ZNF385D: variants seen among roughly 807,000 people sequenced by gnomAD.
ZNF385D encodes the protein zinc finger protein 659.
In ZNF385D, 15 loss-of-function variants were observed where a neutral mutation model predicts 35.8. The ratio of observed to expected loss-of-function variants is 0.42; its 90% confidence interval spans 0.28 to 0.64. ZNF385D has a LOEUF of 0.64. ZNF385D is among the 30% of genes least tolerant of loss of function. The pLI is 0.23. For missense variants in ZNF385D, 474 were observed against 494.6 expected (o/e 0.96, Z 0.39); for synonymous variants, 212 against 186.8 (o/e 1.13, Z -1.10).
intron 2 of ZNF385D, among the ~76,000 whole-genome samples, chr3:21,585,700 C>T (rs570310887): frequency 5.9e-5 from 9 of 152,244 alleles, no homozygotes; most frequent in African/African-American, 2.2e-4. Context: ...CCAAAACATT[C>T]CACAGGAAAG....
chr3:22,359,619 G>C (rs1403892653), intron 2 of ZNF385D, among the ~76,000 whole-genome samples: 1 of 151,756 alleles, frequency 6.6e-6, no homozygotes, highest in Non-Finnish European at 1.5e-5. Flanking sequence ...TAAATGTACA[G>C]AAATAGTTAA....
intron 2 of ZNF385D, among the ~76,000 whole-genome samples, chr3:22,358,409 C>T (rs1696253391): frequency 6.6e-6 from 1 of 151,740 alleles, no homozygotes; most frequent in Admixed American, 6.6e-5. Flanking sequence ...CAAAATGCAA[C>T]TTTGTTCAAA....
chr3:21,908,118 ATATCTATCTATCTATC>A lies in ZNF385D; in HGVS notation c.326-243106_326-243091del, dbSNP rs61001621. Reference sequence around the variant, plus strand: ...TCTATATCTATATATCTTTCTCTCTATATCTATCTATCTATCTATCTATCTATCTATCTATCTATCT... The same window carrying A: ...TCTATATCTATATATCTTTCTCTCTATATCTATCTATCTATCTATCTATCT... On this transcript the variant is annotated intron_variant, in intron 3 of 5. Transcript: ENST00000494108. Among the ~76,000 whole-genome samples, 653 of 135,738 alleles carry A rather than the reference ATATCTATCTATCTATC, an allele frequency of 4.8e-3. 18 individuals carry two copies. Among genetic ancestry groups the A allele is most frequent in the Non-Finnish European group, 4.7e-3 (293 of 61,782 alleles). The allele number at this position is 135,738 out of a possible 152,430, so 89.0% of individuals were successfully genotyped here.
chr3:22,115,358 T>C (rs1350316185), intron 3 of ZNF385D, among the ~76,000 whole-genome samples: 2 of 152,112 alleles, frequency 1.3e-5, no homozygotes, highest in Non-Finnish European at 2.9e-5. Flanking sequence ...CAATAGGGAA[T>C]GACCAAAATG....
At chr3:21,578,986 G>A (rs1266762601) in intron 2 of ZNF385D, among the ~76,000 whole-genome samples, 1 of 152,152 alleles carries the variant, frequency 6.6e-6, no homozygotes, top group Non-Finnish European at 1.5e-5. Flanking sequence ...TAGAGACCTT[G>A]TCATCAGCAC....
intron 4 of ZNF385D, 88 bp from the exon 5 acceptor site, chr3:21,437,291 G>T: frequency 8.0e-7 from 1 of 1,255,552 alleles, no homozygotes; most frequent in Non-Finnish European, 1.1e-6. Context: ...ATTGCATTCT[G>T]CTTATAATGA....
intron 3 of ZNF385D, among the ~76,000 whole-genome samples, chr3:21,883,664 G>A (rs1268750364): frequency 2.0e-5 from 3 of 152,008 alleles, no homozygotes; most frequent in African/African-American, 2.4e-5. Flanking sequence ...GTTGATGCAC[G>A]ATGCTGCCTG....
intron 3 of ZNF385D, chr3:21,979,913 T>G (rs944877757): frequency 3.3e-5 from 5 of 152,210 alleles, no homozygotes; most frequent in Non-Finnish European, 5.9e-5. Context: ...TACTCCTCTC[T>G]TCAAAAGGTG....
intron 3 of ZNF385D, among the ~76,000 whole-genome samples, chr3:21,982,233 G>A (rs2125372613): frequency 6.6e-6 from 1 of 151,974 alleles, no homozygotes; most frequent in Admixed American, 6.6e-5. Context: ...ATTTGTTTGT[G>A]TCTTGTCTTA....
chr3:21,434,859 A>G (rs1656706), intron 5 of ZNF385D, among the ~76,000 whole-genome samples: 139,885 of 152,054 alleles, frequency 0.92, 64,532 homozygotes, highest in East Asian at 0.98. Context: ...GAAAGAAGGC[A>G]AGTGGCCTTC....
intron 1 of ZNF385D, among the ~76,000 whole-genome samples, chr3:21,721,138 A>G (rs1388711350): frequency 6.6e-6 from 1 of 152,124 alleles, no homozygotes. Flanking sequence ...CTTAGAAAGG[A>G]GCATAATGAC....
intron 3 of ZNF385D, among the ~76,000 whole-genome samples, chr3:21,780,623 T>C (rs994105107): frequency 6.6e-5 from 10 of 152,104 alleles, no homozygotes; most frequent in African/African-American, 2.2e-4. Context: ...GTAGTTCACA[T>C]ATGGAAGTGC....
chr3:21,718,910 G>C (rs1018004559), intron 1 of ZNF385D, among the ~76,000 whole-genome samples: 2 of 151,968 alleles, frequency 1.3e-5, no homozygotes, highest in Non-Finnish European at 2.9e-5. Context: ...TCATCAAATA[G>C]TTAAAAATTT....
intron 3 of ZNF385D, among the ~76,000 whole-genome samples, chr3:21,839,979 G>T (rs1695563013): frequency 6.6e-6 from 1 of 152,128 alleles, no homozygotes; most frequent in Admixed American, 6.6e-5. Flanking sequence ...TTTGATGCTT[G>T]TGCCTATACT....
chr3:22,131,347 C>A (rs1488961456), intron 3 of ZNF385D, among the ~76,000 whole-genome samples: 1 of 151,522 alleles, frequency 6.6e-6, no homozygotes, highest in Admixed American at 6.6e-5. Context: ...GTAAAGGAAG[C>A]AATGCCTATT....
intron 2 of ZNF385D, among the ~76,000 whole-genome samples, chr3:22,169,290 A>G (rs1038659358): frequency 2.0e-5 from 3 of 152,204 alleles, no homozygotes; most frequent in African/African-American, 7.2e-5. Context: ...TTTAATTATC[A>G]TAACAATGTA....
chr3:21,981,634 G>T (rs898788244), intron 3 of ZNF385D, among the ~76,000 whole-genome samples: 1 of 152,046 alleles, frequency 6.6e-6, no homozygotes, highest in Non-Finnish European at 1.5e-5. Context: ...TAAAATCTTT[G>T]CCTGTTCCTA....
intron 2 of ZNF385D, among the ~76,000 whole-genome samples, chr3:22,239,917 C>G (rs1699394652): frequency 6.6e-6 from 1 of 150,460 alleles, no homozygotes; most frequent in Admixed American, 6.6e-5. Context: ...TTGCCCACGC[C>G]TATAATCACA....
intron 2 of ZNF385D, among the ~76,000 whole-genome samples, chr3:21,577,199 A>G (rs577901904): frequency 6.6e-6 from 1 of 152,162 alleles, no homozygotes; most frequent in South Asian, 2.1e-4. Context: ...TCACTATTCT[A>G]CTGTTTACTT....
Sources: allele counts gnomAD v4.1 joint callset (sites outside exome capture counted in the v4.1 genomes callset), GRCh38; gene constraint gnomAD v4.1.1; transcripts MANE v1.5; gene names NCBI Gene and HGNC (gene_info 2026-07-23, HGNC 2026-07-21).